The following GRM7 variants were observed in gnomAD, a reference collection of about 807,000 sequenced individuals.
GRM7 encodes the protein glutamate metabotropic receptor 7.
In GRM7, 35 loss-of-function variants were observed where a neutral mutation model predicts 84.5. That is an observed-to-expected ratio of 0.41 (90% CI 0.32 to 0.55). GRM7 has a LOEUF of 0.55. Ranked by LOEUF, GRM7 falls within the 20% of genes least tolerant of loss-of-function variation. GRM7 has a pLI of 0.19. For missense variants in GRM7, 1,003 were observed against 1,194.6 expected (o/e 0.84, Z 2.36); for synonymous variants, 487 against 455.1 (o/e 1.07, Z -0.89).
At chr3:7,140,843 G>C (rs1410064902) in intron 1 of GRM7, among the ~76,000 whole-genome samples, 1 of 151,884 alleles carries the variant, frequency 6.6e-6, no homozygotes, top group African/African-American at 2.4e-5. Context: ...GGGTCCCCAC[G>C]GTATTTTTGA....
chr3:7,404,596 C>T (rs561287027), intron 4 of GRM7, among the ~76,000 whole-genome samples: 15 of 152,188 alleles, frequency 9.9e-5, no homozygotes, highest in African/African-American at 1.9e-4. Flanking sequence ...ACCAATCCTA[C>T]GGTAAGTGTT....
At chr3:7,430,305 T>G (rs1343059899) in intron 5 of GRM7, among the ~76,000 whole-genome samples, 1 of 152,204 alleles carries the variant, frequency 6.6e-6, no homozygotes, top group Non-Finnish European at 1.5e-5. Context: ...TCACCTGGGA[T>G]GTTCAGCTTC....
At position 7,452,587 on chromosome 3, in the gene GRM7, T is replaced by TGTGTG. The variant is rs754109879; in HGVS notation, c.1175-20_1175-19insGTGTG. On this transcript the variant is annotated intron_variant, in intron 5 of 9. Coordinates refer to ENST00000357716, the MANE Select transcript of GRM7 (RefSeq NM_000844.4). ...GTGTGTGTGTGTGTGTGTGTGTGTG[T>TGTGTG]TTCTTGTTTTAATGTGCAGGACAGG... 5 of 1,484,946 alleles carry TGTGTG rather than the reference T, an allele frequency of 3.4e-6. No homozygotes were observed. The highest frequency in any genetic ancestry group is 4.7e-6 in the Non-Finnish European group (5 of 1,062,504). The allele number at this position is 1,484,946 out of a possible 1,614,324, so 92.0% of individuals were successfully genotyped here.
At chr3:7,694,496 C>T in intron 9 of GRM7, 3 of 330,068 alleles carry the variant, frequency 9.1e-6, no homozygotes, top group Non-Finnish European at 1.3e-5. Context: ...TTGGAACAAC[C>T]TGCAGGATTT....
chr3:7,118,831 T>A (rs1034566928), intron 1 of GRM7, among the ~76,000 whole-genome samples: 2 of 152,104 alleles, frequency 1.3e-5, no homozygotes, highest in Admixed American at 1.3e-4. Context: ...TTTCGTTTTT[T>A]CCAATCACAA....
chr3:7,675,769 C>T (rs568930115), intron 8 of GRM7, among the ~76,000 whole-genome samples: 4 of 152,204 alleles, frequency 2.6e-5, no homozygotes, highest in South Asian at 4.2e-4. Flanking sequence ...CAGTGAAAGC[C>T]GTATCCTTAG....
At chr3:7,678,952 G>T (rs1389542043) in intron 8 of GRM7, among the ~76,000 whole-genome samples, 1 of 18,258 alleles carries the variant, frequency 5.5e-5, no homozygotes, top group East Asian at 1.4e-3. Flanking sequence ...CTTCTTTGCA[G>T]ACAATAATAA....
At chr3:7,446,449 TG>T (rs1231065426) in intron 5 of GRM7, among the ~76,000 whole-genome samples, 2 of 126,016 alleles carry the variant, frequency 1.6e-5, no homozygotes, top group African/African-American at 5.3e-5. Flanking sequence ...TTTTTGGTCT[TG>T]TTTTTTTTTT....
chr3:7,530,053 T>C (rs969377932), intron 7 of GRM7, among the ~76,000 whole-genome samples: 20 of 151,952 alleles, frequency 1.3e-4, no homozygotes, highest in African/African-American at 3.6e-4. Context: ...CAACCTGTCA[T>C]CTACATTAGG....
intron 2 of GRM7, among the ~76,000 whole-genome samples, chr3:7,177,279 C>T (rs1695184496): frequency 6.6e-6 from 1 of 152,114 alleles, no homozygotes; most frequent in African/African-American, 2.4e-5. Context: ...GCAATCAAGG[C>T]ACATCTTCTG....
At position 7,486,547 on chromosome 3, in the gene GRM7, G is replaced by T. The variant is rs1210187179; in HGVS notation, c.1515+24825G>T. On this transcript the variant is annotated intron_variant, in intron 7 of 9. Coordinates refer to ENST00000357716, the MANE Select transcript of GRM7 (RefSeq NM_000844.4). This position sits in a 1 kb window ranked among gnomAD's most constrained non-coding sequence, Gnocchi z 5.5. ...CTGGACTGGATTATTTGCCAGAAAA[G>T]TGGGGTGCTATACAGCAAGTCTGCC... Among the ~76,000 whole-genome samples the T allele has an allele frequency of 1.3e-5, 2 of 152,106 alleles. No homozygotes were observed. Among genetic ancestry groups the T allele is most frequent in the Admixed American group, 6.5e-5 (1 of 15,274 alleles).
chr3:7,347,066 C>A (rs1200773023), intron 4 of GRM7, among the ~76,000 whole-genome samples: 4 of 152,032 alleles, frequency 2.6e-5, no homozygotes, highest in African/African-American at 9.7e-5. Flanking sequence ...GAAAAAAATG[C>A]CCTTGAGGAA....
intron 2 of GRM7, among the ~76,000 whole-genome samples, chr3:7,152,160 T>C (rs1694306553): frequency 6.6e-6 from 1 of 152,174 alleles, no homozygotes; most frequent in African/African-American, 2.4e-5. Flanking sequence ...TGTTTTGGGA[T>C]CCTCAGTGAT....
chr3:7,018,748 TC>T (rs1695665666), intron 1 of GRM7, among the ~76,000 whole-genome samples: 1 of 152,234 alleles, frequency 6.6e-6, no homozygotes, highest in Admixed American at 6.5e-5. Flanking sequence ...ACAAGAGATG[TC>T]CTATATATTA....
chr3:6,983,714 G>A (rs1694288655), intron 1 of GRM7, among the ~76,000 whole-genome samples: 1 of 152,030 alleles, frequency 6.6e-6, no homozygotes, highest in Non-Finnish European at 1.5e-5. Flanking sequence ...AAACATTATA[G>A]CAGAACCTGG....
At chr3:7,706,113 G>C (rs1478870240) in intron 9 of GRM7, among the ~76,000 whole-genome samples, 1 of 152,104 alleles carries the variant, frequency 6.6e-6, no homozygotes, top group African/African-American at 2.4e-5. Context: ...CCACTGACTT[G>C]AACTTCAGAG....
chr3:7,385,045 T>C (rs1350135513), intron 4 of GRM7, among the ~76,000 whole-genome samples: 2 of 152,178 alleles, frequency 1.3e-5, no homozygotes, highest in East Asian at 3.8e-4. Flanking sequence ...TAATATCCAG[T>C]GTTCACATTT....
intron 1 of GRM7, among the ~76,000 whole-genome samples, chr3:6,981,572 G>A (rs897566011): frequency 6.6e-6 from 1 of 152,154 alleles, no homozygotes; most frequent in South Asian, 2.1e-4. Context: ...TGCTGATGGA[G>A]GGAAGGCACC....
At chr3:7,365,818 G>C (rs996090924) in intron 4 of GRM7, among the ~76,000 whole-genome samples, 2 of 150,798 alleles carry the variant, frequency 1.3e-5, no homozygotes, top group Non-Finnish European at 3.0e-5. Context: ...AATTTGGCTT[G>C]CAAACTTCTC....
Sources: allele counts gnomAD v4.1 joint callset (sites outside exome capture counted in the v4.1 genomes callset), GRCh38; gene constraint gnomAD v4.1.1; non-coding constraint Gnocchi (gnomAD v3.1); transcripts MANE v1.5; gene names NCBI Gene and HGNC (gene_info 2026-07-23, HGNC 2026-07-21).